Variants in CFAP299 observed in about 807,000 individuals in gnomAD.
The protein encoded by CFAP299 is cilia- and flagella-associated protein 299.
Under a neutral mutation model 27.0 loss-of-function variants are expected in CFAP299, and 21 were observed. That is an observed-to-expected ratio of 0.78 (90% CI 0.55 to 1.12). CFAP299 has a LOEUF of 1.12. Among genes scored for constraint, CFAP299 ranks in the 50% most tolerant of loss-of-function variants. The pLI is 0.00. For synonymous variants in CFAP299, 104 were observed against 98.1 expected (o/e 1.06, Z -0.36); for missense variants, 310 against 276.6 (o/e 1.12, Z -0.86).
At chr4:80,898,795 A>T (rs940680889) in intron 4 of CFAP299, among the ~76,000 whole-genome samples, 4 of 152,118 alleles carry the variant, frequency 2.6e-5, no homozygotes, top group African/African-American at 9.7e-5. Flanking sequence ...GTGATGAGTA[A>T]ATTAAATGAC....
intron 3 of CFAP299, among the ~76,000 whole-genome samples, chr4:80,757,397 A>C (rs562836257): frequency 1.3e-5 from 2 of 152,210 alleles, no homozygotes; most frequent in African/African-American, 4.8e-5. Flanking sequence ...AATTAAATTT[A>C]TAAGAAATTA....
At chr4:80,414,856 C>T (rs1726922873) in intron 2 of CFAP299, among the ~76,000 whole-genome samples, 1 of 152,188 alleles carries the variant, frequency 6.6e-6, no homozygotes, top group South Asian at 2.1e-4. Context: ...TACATGTACT[C>T]TTCATATTGA....
chr4:80,423,218 AT>A (rs1352874983), intron 2 of CFAP299, among the ~76,000 whole-genome samples: 5 of 152,180 alleles, frequency 3.3e-5, no homozygotes, highest in Non-Finnish European at 7.4e-5. Context: ...ATTTCTACAA[AT>A]CGAAACTGCC....
intron 3 of CFAP299, among the ~76,000 whole-genome samples, chr4:80,817,461 T>C (rs1283822769): frequency 6.6e-6 from 1 of 152,126 alleles, no homozygotes; most frequent in East Asian, 1.9e-4. Flanking sequence ...TACCCTAATG[T>C]GGTCTTCTAG....
At position 80,606,828 on chromosome 4, in the gene CFAP299, T is replaced by TTA. The variant is rs1553939225; in HGVS notation, c.333+23645_333+23646insTA. ...TCTACACTCTAAATTATATGCTTTT[T>TTA]AAAAAAAAATTTCACGGATAAAAAA... is the stretch of plus-strand genomic sequence containing the variant. On this transcript the variant is annotated intron_variant, in intron 3 of 5. Transcript: ENST00000358105. Among the ~76,000 whole-genome samples the TTA allele has an allele frequency of 6.8e-3, 1,040 of 151,856 alleles. 13 individuals carry two copies. Among genetic ancestry groups the TTA allele is most frequent in the African/African-American group, 0.024 (998 of 41,386 alleles).
At chr4:80,488,326 T>C (rs188160925) in intron 2 of CFAP299, among the ~76,000 whole-genome samples, 4 of 152,238 alleles carry the variant, frequency 2.6e-5, no homozygotes, top group African/African-American at 4.8e-5. Flanking sequence ...GTCTCAGAAA[T>C]ATGAGACTGA....
chr4:80,914,468 T>G (rs997291769), intron 4 of CFAP299, among the ~76,000 whole-genome samples: 2 of 152,176 alleles, frequency 1.3e-5, no homozygotes, highest in Non-Finnish European at 2.9e-5. Context: ...AATATCCGTA[T>G]CCTCTACCCT....
chr4:80,556,556 T>C (rs1734795622), intron 2 of CFAP299, among the ~76,000 whole-genome samples: 1 of 152,054 alleles, frequency 6.6e-6, no homozygotes, highest in African/African-American at 2.4e-5. Context: ...CAGTACTTCC[T>C]GTATAATTCT....
At chr4:80,352,129 C>G (rs1479692906) in intron 1 of CFAP299, among the ~76,000 whole-genome samples, 1 of 152,008 alleles carries the variant, frequency 6.6e-6, no homozygotes, top group Non-Finnish European at 1.5e-5. Context: ...TGCCTCATGC[C>G]AGATCCTCAA....
At position 80,533,520 on chromosome 4, in the gene CFAP299, A is replaced by C. The variant is rs74872758; in HGVS notation, c.243-49573A>C. ...TACCTTTTGCAATTTTAATTATAGA[A>C]GAGCCTTAACTGTTGGCAAAACAAA... is the stretch of plus-strand genomic sequence containing the variant. On this transcript the variant is annotated intron_variant, in intron 2 of 5. Transcript: ENST00000358105. Among the ~76,000 whole-genome samples the C allele has an allele frequency of 5.8e-3, 881 of 152,292 alleles. 6 individuals carry two copies. Among genetic ancestry groups the C allele is most frequent in the African/African-American group, 0.02 (834 of 41,556 alleles).
At chr4:80,710,647 TCCCTGATTCTA>T in intron 3 of CFAP299, among the ~76,000 whole-genome samples, 1 of 151,868 alleles carries the variant, frequency 6.6e-6, no homozygotes, top group Non-Finnish European at 1.5e-5. Flanking sequence ...AAGCGTACAT[TCCCTGATTCTA>T]CCAGCGTTCC....
chr4:80,347,336 A>G (rs1316670411), intron 1 of CFAP299, among the ~76,000 whole-genome samples: 2 of 152,102 alleles, frequency 1.3e-5, no homozygotes, highest in Non-Finnish European at 2.9e-5. Flanking sequence ...GAGAGAAGGC[A>G]TCCGTGTCTT....
At chr4:80,510,208 AATG>A (rs1466872806) in intron 2 of CFAP299, among the ~76,000 whole-genome samples, 11 of 152,194 alleles carry the variant, frequency 7.2e-5, no homozygotes, top group Admixed American at 7.2e-4. Context: ...CGCTTATCTG[AATG>A]ATGATACCAA....
At chr4:80,499,675 T>C (rs1343294991) in intron 2 of CFAP299, among the ~76,000 whole-genome samples, 2 of 152,134 alleles carry the variant, frequency 1.3e-5, no homozygotes, top group Non-Finnish European at 2.9e-5. Flanking sequence ...CAGTATTTTT[T>C]GTTTCTATTA....
intron 3 of CFAP299, among the ~76,000 whole-genome samples, chr4:80,737,261 T>C (rs1322035628): frequency 6.6e-6 from 1 of 151,744 alleles, no homozygotes; most frequent in Non-Finnish European, 1.5e-5. Flanking sequence ...CATGTATACA[T>C]ATGTAACTAA....
intron 1 of CFAP299, among the ~76,000 whole-genome samples, chr4:80,353,317 G>GC (rs1723103047): frequency 6.6e-6 from 1 of 152,116 alleles, no homozygotes; most frequent in Non-Finnish European, 1.5e-5. Flanking sequence ...AGCTGCTGAG[G>GC]CCCTGTTATA....
At chr4:80,574,120 C>T (rs1214540260) in intron 2 of CFAP299, among the ~76,000 whole-genome samples, 2 of 151,578 alleles carry the variant, frequency 1.3e-5, no homozygotes, top group African/African-American at 4.8e-5. Context: ...TTTTGGTGTC[C>T]CCTTCCATTT....
chr4:80,622,303 G>A (rs941209358), intron 3 of CFAP299, among the ~76,000 whole-genome samples: 4 of 152,142 alleles, frequency 2.6e-5, no homozygotes, highest in African/African-American at 9.7e-5. Flanking sequence ...ACAGTCTAGA[G>A]TTGATCTGAC....
At chr4:80,419,632 A>T (rs1274316780) in intron 2 of CFAP299, among the ~76,000 whole-genome samples, 1 of 151,998 alleles carries the variant, frequency 6.6e-6, no homozygotes, top group Non-Finnish European at 1.5e-5. Flanking sequence ...CAATCACCTG[A>T]TCATCACCTG....
Sources: allele counts gnomAD v4.1 joint callset (sites outside exome capture counted in the v4.1 genomes callset), GRCh38; gene constraint gnomAD v4.1.1; transcripts MANE v1.5; gene names NCBI Gene and HGNC (gene_info 2026-07-23, HGNC 2026-07-21).